The following SPOCK3 variants were observed in gnomAD, a reference collection of about 807,000 sequenced individuals.
The protein encoded by SPOCK3 is testican-3.
SPOCK3 carries 30 observed loss-of-function variants against 56.6 expected under a neutral mutation model. The observed-to-expected ratio is 0.53, with a 90% CI of 0.40 to 0.72. The LOEUF (loss-of-function observed/expected upper bound fraction) is 0.72. Among genes scored for constraint, SPOCK3 ranks in the 30% least tolerant of loss-of-function variants. The pLI is 0.00. For missense variants in SPOCK3, 527 were observed against 530.0 expected, an observed-to-expected ratio of 0.99 and a Z score of 0.06; for synonymous variants, 196 against 183.3, an observed-to-expected ratio of 1.07 and a Z score of -0.56.
Position 166,921,608 on chromosome 4 carries a change from A to AC in SPOCK3, c.351-8866dup, listed in dbSNP as rs138784401. Among the ~76,000 whole-genome samples the AC allele has an allele frequency of 4.2e-3, 642 of 152,152 alleles. 11 individuals carry two copies. In the East Asian group the frequency reaches 0.045, roughly 11 times the overall value. ...TGTGATTACAGGCATGAGCCACTGC[A>AC]CCCAGCCCGTGTTGACTCTTTATTG... On this transcript the variant is annotated intron_variant, in intron 4 of 10. Coordinates refer to ENST00000357545, the MANE Select transcript of SPOCK3 (RefSeq NM_001040159.2).
At chr4:167,123,223 C>T (rs1375369491) in intron 2 of SPOCK3, among the ~76,000 whole-genome samples, 1 of 151,472 alleles carries the variant, frequency 6.6e-6, no homozygotes, top group Admixed American at 6.6e-5. Flanking sequence ...TACAAAGCAG[C>T]CTATTATAAA....
intron 4 of SPOCK3, chr4:166,918,537 A>C (rs1199567094): frequency 6.6e-6 from 1 of 152,186 alleles, no homozygotes; most frequent in Non-Finnish European, 1.5e-5. Context: ...GTTGCTATAA[A>C]AAATGGATGT....
chr4:166,764,189 G>T (rs968276026), intron 7 of SPOCK3, among the ~76,000 whole-genome samples: 2 of 151,664 alleles, frequency 1.3e-5, no homozygotes, highest in Admixed American at 6.6e-5. Flanking sequence ...GGGGAGAAAA[G>T]ATATCCACTT....
At chr4:167,117,651 A>G (rs945689190) in intron 2 of SPOCK3, among the ~76,000 whole-genome samples, 1 of 152,188 alleles carries the variant, frequency 6.6e-6, no homozygotes, top group African/African-American at 2.4e-5. Flanking sequence ...CTGGGGGCAG[A>G]GCAGCAGGGT....
At chr4:167,090,173 A>G (rs2150308093) in intron 2 of SPOCK3, among the ~76,000 whole-genome samples, 1 of 152,302 alleles carries the variant, frequency 6.6e-6, no homozygotes, top group East Asian at 1.9e-4. Context: ...CGGTATGTGT[A>G]GGTTTAACTG....
intron 2 of SPOCK3, among the ~76,000 whole-genome samples, chr4:167,166,623 T>C (rs1765788483): frequency 6.6e-6 from 1 of 152,122 alleles, no homozygotes; most frequent in African/African-American, 2.4e-5. Flanking sequence ...GACTGGTTAA[T>C]AGTGTCCTGT....
At chr4:166,793,753 C>G (rs1282958431) in intron 6 of SPOCK3, among the ~76,000 whole-genome samples, 1 of 152,036 alleles carries the variant, frequency 6.6e-6, no homozygotes, top group African/African-American at 2.4e-5. Context: ...GAAATGCCTT[C>G]CAATATTTAA....
intron 3 of SPOCK3, among the ~76,000 whole-genome samples, chr4:167,023,025 T>C (rs35280774): frequency 0.2 from 29,934 of 152,006 alleles, 3,470 homozygotes; most frequent in African/African-American, 0.32. Context: ...AAGAAATTCA[T>C]GTACACAATG....
chr4:166,988,715 G>A (rs1237241915), intron 4 of SPOCK3, among the ~76,000 whole-genome samples: 1 of 151,964 alleles, frequency 6.6e-6, no homozygotes, highest in Non-Finnish European at 1.5e-5. Context: ...CCTAGCTATG[G>A]CAATTATTAC....
chr4:167,061,976 T>C (rs957433816), intron 3 of SPOCK3, among the ~76,000 whole-genome samples: 3 of 151,884 alleles, frequency 2.0e-5, no homozygotes, highest in Non-Finnish European at 2.9e-5. Flanking sequence ...AAAGGTAAGT[T>C]AATCAGAATT....
rs750311794 is a variant in SPOCK3 at position 166,889,159 on chromosome 4, G to A, written c.560C>T (p.Pro187Leu). ...EGHCPCPSDKPTSTSRNVKRA... is the reference protein window; with the variant it reads ...EGHCPCPSDKLTSTSRNVKRA... ...CTTAACATTTCTGCTTGTACTGGTG[G>A]GCTTATCTGAAGGACATGGGCAATG... The change falls in exon 6 of 11, where the codon CCC becomes CTC. Residue 187 changes from proline (P) to leucine (L), a missense_variant. Physicochemically the swap from Pro to Leu is moderately conservative, Grantham distance 98 (BLOSUM62 -3). Coordinates refer to ENST00000357545, the MANE Select transcript of SPOCK3 (RefSeq NM_001040159.2). 8 of 1,609,978 alleles carry A rather than the reference G, an allele frequency of 5.0e-6. No individual in the cohort carries two copies. The highest frequency in any genetic ancestry group is 5.9e-6 in the Non-Finnish European group (7 of 1,177,172).
At chr4:166,809,547 T>A (rs887490135) in intron 6 of SPOCK3, among the ~76,000 whole-genome samples, 1 of 152,072 alleles carries the variant, frequency 6.6e-6, no homozygotes, top group Non-Finnish European at 1.5e-5. Flanking sequence ...AATGAAGAGA[T>A]GTTGAAATAG....
At chr4:167,090,788 C>A (rs115477866) in intron 2 of SPOCK3, among the ~76,000 whole-genome samples, 3,709 of 152,284 alleles carry the variant, frequency 0.024, 79 homozygotes, top group Middle Eastern at 0.061. Flanking sequence ...CAGGCATGAG[C>A]CACCGAGCTC....
chr4:166,921,510 G>T (rs1259194593), intron 4 of SPOCK3, among the ~76,000 whole-genome samples: 1 of 151,970 alleles, frequency 6.6e-6, no homozygotes, highest in Non-Finnish European at 1.5e-5. Flanking sequence ...AGAGACAGGG[G>T]TTTCACCATG....
intron 2 of SPOCK3, among the ~76,000 whole-genome samples, chr4:167,216,639 T>A (rs1162697183): frequency 6.6e-6 from 1 of 152,086 alleles, no homozygotes; most frequent in Non-Finnish European, 1.5e-5. Context: ...CAAGGTCATT[T>A]AAATTTTTTT....
At chr4:167,045,344 C>T (rs749381729) in intron 3 of SPOCK3, among the ~76,000 whole-genome samples, 47 of 152,034 alleles carry the variant, frequency 3.1e-4, no homozygotes, top group South Asian at 6.2e-4. Flanking sequence ...CCACTATGAG[C>T]GTTTCTGTCT....
chr4:167,060,505 C>A (rs1755479755), intron 3 of SPOCK3, among the ~76,000 whole-genome samples: 1 of 151,978 alleles, frequency 6.6e-6, no homozygotes, highest in Non-Finnish European at 1.5e-5. Flanking sequence ...AAGCGAAAAA[C>A]AAATACACAT....
chr4:167,217,049 CT>C (rs1378627405), intron 2 of SPOCK3, among the ~76,000 whole-genome samples: 1 of 152,020 alleles, frequency 6.6e-6, no homozygotes, highest in Admixed American at 6.6e-5. Flanking sequence ...TATCCAATGG[CT>C]TTGTTAAAGA....
intron 7 of SPOCK3, among the ~76,000 whole-genome samples, chr4:166,763,249 G>A (rs1463817548): frequency 1.3e-5 from 2 of 151,842 alleles, no homozygotes; most frequent in African/African-American, 4.8e-5. Context: ...AAGCCCAGAA[G>A]ACAATGGAAA....
Sources: allele counts gnomAD v4.1 joint callset (sites outside exome capture counted in the v4.1 genomes callset), GRCh38; gene constraint gnomAD v4.1.1; transcripts MANE v1.5; gene names NCBI Gene and HGNC (gene_info 2026-07-23, HGNC 2026-07-21).